The following ZHX3 variants were observed in gnomAD, a reference collection of about 807,000 sequenced individuals.
ZHX3 encodes the protein zinc fingers and homeoboxes 3.
A neutral mutation model predicts 64.5 loss-of-function variants in ZHX3; 20 were observed. The ratio of observed to expected loss-of-function variants is 0.31; its 90% CI spans 0.22 to 0.45. The LOEUF is 0.45. Ranked by LOEUF, ZHX3 falls within the 20% of genes least tolerant of loss-of-function variation. ZHX3 has a pLI of 1.00. For missense variants in ZHX3, 1,041 were observed against 1,195.8 expected (o/e 0.87, Z 1.91); for synonymous variants, 423 against 461.6 (o/e 0.92, Z 1.07).
chr20:41,273,418 G>A (rs2043240065), intron 1 of ZHX3, among the ~76,000 whole-genome samples: 1 of 152,088 alleles, frequency 6.6e-6, no homozygotes, highest in South Asian at 2.1e-4. Flanking sequence ...CTTTTGGTGT[G>A]TTTCTAAGAA....
intron 1 of ZHX3, among the ~76,000 whole-genome samples, chr20:41,311,940 G>A (rs2045149220): frequency 6.6e-6 from 1 of 152,236 alleles, no homozygotes; most frequent in Admixed American, 6.5e-5. Flanking sequence ...CTGGGTGCTA[G>A]GACTGTACCA....
chr20:41,194,737 TTGATA>T (rs1424272068), intron 3 of ZHX3, among the ~76,000 whole-genome samples: 3 of 152,220 alleles, frequency 2.0e-5, no homozygotes, highest in Non-Finnish European at 4.4e-5. Context: ...TTACCAGTTA[TTGATA>T]TATTTTGGTT....
intron 1 of ZHX3, 93 bp from the exon 2 acceptor site, chr20:41,269,176 G>A (rs553494798): frequency 5.3e-5 from 8 of 152,238 alleles, no homozygotes; most frequent in South Asian, 2.1e-4. Flanking sequence ...TAATTCATTC[G>A]CACTAGAACT....
At chr20:41,313,447 A>G (rs2045200221) in intron 1 of ZHX3, among the ~76,000 whole-genome samples, 1 of 152,180 alleles carries the variant, frequency 6.6e-6, no homozygotes, top group South Asian at 2.1e-4. Context: ...GAGCCAGAAA[A>G]GAAAAGAAAT....
Position 41,314,948 on chromosome 20 carries a change from G to A in ZHX3, c.-245+2561C>T, listed in dbSNP as rs542320779. Among the ~76,000 whole-genome samples the A allele has an allele frequency of 2.3e-4, 35 of 152,248 alleles. 1 individual carries two copies. The highest frequency in any genetic ancestry group is 8.4e-4 in the African/African-American group (35 of 41,518). On this transcript the variant is annotated intron_variant, in intron 1 of 3. Coordinates refer to ENST00000683867, the MANE Select transcript of ZHX3 (RefSeq NM_001384317.1). ...GTGAAAAAAAAGTCTCACACTTCAG[G>A]GTTAATGAGGGAGAGAGACAATACA... is the stretch of plus-strand genomic sequence containing the variant.
intron 1 of ZHX3, among the ~76,000 whole-genome samples, chr20:41,310,479 C>T (rs990577515): frequency 3.9e-5 from 6 of 152,112 alleles, no homozygotes; most frequent in East Asian, 3.8e-4. Flanking sequence ...TTCCAACATG[C>T]GAGCTGTCAA....
intron 1 of ZHX3, among the ~76,000 whole-genome samples, chr20:41,298,529 A>G (rs1460101547): frequency 6.6e-6 from 1 of 152,234 alleles, no homozygotes; most frequent in Non-Finnish European, 1.5e-5. Context: ...TAGAGGAAGT[A>G]TATTACAATA....
chr20:41,255,797 G>A (rs941652425), intron 2 of ZHX3, among the ~76,000 whole-genome samples: 51 of 152,150 alleles, frequency 3.4e-4, no homozygotes, highest in African/African-American at 1.2e-3. Context: ...GAAGGGAGAG[G>A]TGTCCATGCA....
At chr20:41,210,462 G>A (rs2039073500) in intron 2 of ZHX3, among the ~76,000 whole-genome samples, 1 of 152,166 alleles carries the variant, frequency 6.6e-6, no homozygotes, top group South Asian at 2.1e-4. Flanking sequence ...GTCCATCAAT[G>A]ATAGACTGGA....
chr20:41,197,797 TTC>T (rs137919996), intron 3 of ZHX3, among the ~76,000 whole-genome samples: 1 of 152,278 alleles, frequency 6.6e-6, no homozygotes, highest in African/African-American at 2.4e-5. Flanking sequence ...ACTGTTTTGA[TTC>T]TGTTTTTACA....
chr20:41,218,724 G>T (rs2039722854), intron 2 of ZHX3, among the ~76,000 whole-genome samples: 1 of 152,134 alleles, frequency 6.6e-6, no homozygotes, highest in African/African-American at 2.4e-5. Flanking sequence ...GCAATTGTCA[G>T]ATTTCTGCTG....
In ZHX3 at chr20:41,185,441, A is replaced by C; in HGVS notation, c.2861-240T>G. ...CAGACTCTCTGAGAGACCCTGCTAA[A>C]CCCTAGGCCTAGCAGCAGGAGCAGT... is the stretch of plus-strand genomic sequence containing the variant. On this transcript the variant is annotated intron_variant, in intron 3 of 3. Coordinates refer to ENST00000683867, the MANE Select transcript of ZHX3 (RefSeq NM_001384317.1). This position sits in a 1 kb window ranked among gnomAD's most constrained non-coding sequence, Gnocchi z 5.0. The C allele has an allele frequency of 1.7e-6, 1 of 590,014 alleles. No homozygotes were observed. The highest frequency in any genetic ancestry group is 4.5e-4 in the Middle Eastern group (1 of 2,238). 36.5% of individuals were successfully genotyped at this position (590,014 alleles called of 1,614,324 possible). A position where few individuals can be genotyped will look rare whatever the true frequency, so the allele number is the denominator to read the frequency against.
chr20:41,240,350 A>C (rs1600472666), intron 2 of ZHX3, among the ~76,000 whole-genome samples: 1 of 152,272 alleles, frequency 6.6e-6, no homozygotes, highest in Admixed American at 6.5e-5. Flanking sequence ...AAATCATCGA[A>C]CTTACTGCAA....
At chr20:41,286,478 G>A (rs2043940471) in intron 1 of ZHX3, among the ~76,000 whole-genome samples, 1 of 152,180 alleles carries the variant, frequency 6.6e-6, no homozygotes, top group Non-Finnish European at 1.5e-5. Flanking sequence ...AAAGTCTTCT[G>A]TAAGTCATAC....
chr20:41,306,382 T>G (rs185885761), intron 1 of ZHX3, among the ~76,000 whole-genome samples: 202 of 152,310 alleles, frequency 1.3e-3, no homozygotes, highest in Non-Finnish European at 1.4e-3. Context: ...TTATTTTACT[T>G]GACAGAAAAT....
chr20:41,291,069 G>C (rs1411989714), intron 1 of ZHX3, among the ~76,000 whole-genome samples: 1 of 152,180 alleles, frequency 6.6e-6, no homozygotes, highest in Admixed American at 6.6e-5. Flanking sequence ...CAATTACAAA[G>C]TAATTGGGGA....
chr20:41,234,238 A>G (rs1055084929), intron 2 of ZHX3, among the ~76,000 whole-genome samples: 20 of 152,178 alleles, frequency 1.3e-4, no homozygotes, highest in Non-Finnish European at 2.8e-4. Context: ...CTGAGGCAAG[A>G]GTTCTACCTT....
At chr20:41,196,439 T>TA (rs2037579235) in intron 3 of ZHX3, among the ~76,000 whole-genome samples, 1 of 68,646 alleles carries the variant, frequency 1.5e-5, no homozygotes, top group South Asian at 3.5e-4. Flanking sequence ...TATAAATATA[T>TA]ATATTATATA....
At chr20:41,265,108 C>T (rs1013457732) in intron 2 of ZHX3, among the ~76,000 whole-genome samples, 3 of 151,138 alleles carry the variant, frequency 2.0e-5, no homozygotes, top group African/African-American at 7.3e-5. Flanking sequence ...GACACAAATA[C>T]AATAAAGGCA....
Sources: allele counts gnomAD v4.1 joint callset (sites outside exome capture counted in the v4.1 genomes callset), GRCh38; gene constraint gnomAD v4.1.1; non-coding constraint Gnocchi (gnomAD v3.1); transcripts MANE v1.5; gene names NCBI Gene and HGNC (gene_info 2026-07-23, HGNC 2026-07-21).